Variants in PTPRA observed in about 807,000 individuals in gnomAD.
PTPRA encodes protein tyrosine phosphatase receptor type A.
A neutral mutation model predicts 104.8 loss-of-function variants in PTPRA; 25 were observed. That is an observed-to-expected ratio of 0.24 (90% CI 0.17 to 0.33). PTPRA has a LOEUF of 0.33. Among genes scored for constraint, PTPRA ranks in the 10% least tolerant of loss-of-function variants. The probability of loss-of-function intolerance (pLI) is 1.00; values close to 1 mark genes in which losing one functional copy is unlikely to be tolerated. For synonymous variants in PTPRA, 323 were observed against 368.9 expected, an observed-to-expected ratio of 0.88 and a Z score of 1.43; for missense variants, 765 against 1,015.3, an observed-to-expected ratio of 0.75 and a Z score of 3.35.
At chr20:2,915,527 A>G (rs1300230388) in intron 1 of PTPRA, among the ~76,000 whole-genome samples, 3 of 152,166 alleles carry the variant, frequency 2.0e-5, no homozygotes, top group African/African-American at 7.2e-5. Flanking sequence ...TATCAGATAC[A>G]TGATATCTGA....
intron 1 of PTPRA, among the ~76,000 whole-genome samples, chr20:2,921,997 C>T (rs559605643): frequency 9.2e-5 from 14 of 152,288 alleles, no homozygotes; most frequent in African/African-American, 3.4e-4. Context: ...TGCTTAGCAG[C>T]ATCCTAGGCC....
Position 2,947,262 on chromosome 20 carries a change from A to G in PTPRA, c.-49-720A>G, listed in dbSNP as rs143728608. Among the ~76,000 whole-genome samples, 39 of 152,252 alleles carry G rather than the reference A, an allele frequency of 2.6e-4. 1 individual carries two copies. The East Asian group carries it at 3.1e-3, about 12-fold the overall frequency. On this transcript the variant is annotated intron_variant, in intron 2 of 23. Transcript: ENST00000399903. ...AGAGCTTAAATTTCCTCAAACCCCAACAGTCAGAGATTGTTACACCAAGAT... is the reference window on the plus strand; with the variant it reads ...AGAGCTTAAATTTCCTCAAACCCCAGCAGTCAGAGATTGTTACACCAAGAT...
At chr20:2,865,527 C>T in the PTPRA span, 13 of 1,598,690 alleles carry the variant, frequency 8.1e-6, no homozygotes, top group Admixed American at 3.4e-5. The surrounding 1 kb of genome is among the most constrained non-coding windows in gnomAD (Gnocchi z 5.2). Flanking sequence ...AGCCCACTTC[C>T]AGTGAGGGTA....
At chr20:2,978,513 G>A (rs2062538467) in intron 6 of PTPRA, among the ~76,000 whole-genome samples, 1 of 152,188 alleles carries the variant, frequency 6.6e-6, no homozygotes, top group Non-Finnish European at 1.5e-5. Context: ...GTTGACCAGT[G>A]TGTGTCTGAA....
chr20:2,941,407 A>C (rs994455268), intron 2 of PTPRA, among the ~76,000 whole-genome samples: 1 of 151,900 alleles, frequency 6.6e-6, no homozygotes, highest in Non-Finnish European at 1.5e-5. Context: ...AGCATTCAGC[A>C]CTCCCTGTCA....
At chr20:2,946,989 G>A (rs2061160185) in intron 2 of PTPRA, among the ~76,000 whole-genome samples, 1 of 152,122 alleles carries the variant, frequency 6.6e-6, no homozygotes, top group African/African-American at 2.4e-5. Flanking sequence ...GAGAAAGGAG[G>A]GTGAGAAGAT....
intron 2 of PTPRA, among the ~76,000 whole-genome samples, chr20:2,927,579 C>T (rs1190024328): frequency 6.6e-6 from 1 of 152,194 alleles, no homozygotes. Flanking sequence ...AATCCGAGAC[C>T]AGTGGGCACT....
intron 5 of PTPRA, among the ~76,000 whole-genome samples, chr20:2,971,248 A>G (rs2062174505): frequency 6.6e-6 from 1 of 152,206 alleles, no homozygotes; most frequent in African/African-American, 2.4e-5. Context: ...AACAGAGAAA[A>G]TGGCATCTTA....
At chr20:2,879,031 G>C (rs534553035) in intron 1 of PTPRA, among the ~76,000 whole-genome samples, 61 of 152,328 alleles carry the variant, frequency 4.0e-4, no homozygotes, top group African/African-American at 1.4e-3. Context: ...TGTGCCGGAA[G>C]CTGGGGACAC....
intron 11 of PTPRA, among the ~76,000 whole-genome samples, chr20:3,011,754 C>T (rs1215133199): frequency 1.3e-5 from 2 of 152,094 alleles, no homozygotes; most frequent in Non-Finnish European, 2.9e-5. Context: ...CTCTTTTAAG[C>T]AGAAAGGGGT....
At chr20:3,011,282 A>T (rs1568695561) in intron 11 of PTPRA, among the ~76,000 whole-genome samples, 1 of 152,244 alleles carries the variant, frequency 6.6e-6, no homozygotes, top group Non-Finnish European at 1.5e-5. Flanking sequence ...GGAAGCAGGG[A>T]TTAAAGATTT....
upstream of PTPRA, among the ~76,000 whole-genome samples, chr20:2,871,479 T>A (rs564676059): frequency 2.6e-5 from 4 of 152,244 alleles, no homozygotes; most frequent in African/African-American, 9.6e-5. Context: ...ATAAGTAGCA[T>A]GTCAACCCCT....
intron 1 of PTPRA, among the ~76,000 whole-genome samples, chr20:2,883,159 A>G (rs2090160607): frequency 6.6e-6 from 1 of 151,852 alleles, no homozygotes; most frequent in Non-Finnish European, 1.5e-5. Context: ...TAATTTTGCA[A>G]CCAGTAGGAA....
At chr20:3,028,700 T>C (rs992141304) in intron 20 of PTPRA, among the ~76,000 whole-genome samples, 4 of 152,204 alleles carry the variant, frequency 2.6e-5, no homozygotes, top group Non-Finnish European at 4.4e-5. Flanking sequence ...ATCTAGAGAA[T>C]GGGCCTGGAG....
At position 3,000,225 on chromosome 20, in the gene PTPRA, C is replaced by G. The variant is rs138809198; in HGVS notation, c.739-4831C>G. Among the ~76,000 whole-genome samples the G allele has an allele frequency of 5.8e-3, 879 of 152,132 alleles. 6 individuals carry two copies. Among genetic ancestry groups the G allele is most frequent in the African/African-American group, 0.02 (845 of 41,496 alleles). On this transcript the variant is annotated intron_variant, in intron 9 of 23. Transcript: ENST00000399903. ...ATTGCTTGAACACAGGAGGTGGAGG[C>G]TGCAGTGAGCCAAGATTGCGCCACT...
At chr20:2,931,440 TAGAC>T (rs2307751) in intron 2 of PTPRA, among the ~76,000 whole-genome samples, 26,923 of 152,020 alleles carry the variant, frequency 0.18, 3,416 homozygotes, top group African/African-American at 0.36. Flanking sequence ...TGTAAGGTGA[TAGAC>T]AGTCAGCAGG....
At chr20:3,005,552 A>G (rs887162495) in intron 10 of PTPRA, among the ~76,000 whole-genome samples, 10 of 151,992 alleles carry the variant, frequency 6.6e-5, no homozygotes, top group Non-Finnish European at 1.5e-5. Flanking sequence ...CCGTGTCTCA[A>G]AAAAATAAAG....
chr20:2,957,159 C>T (rs1438970637), intron 3 of PTPRA, among the ~76,000 whole-genome samples: 1 of 152,196 alleles, frequency 6.6e-6, no homozygotes, highest in Non-Finnish European at 1.5e-5. Flanking sequence ...GTGGCGGGCA[C>T]CTGTAGTCCC....
intron 14 of PTPRA, among the ~76,000 whole-genome samples, chr20:3,021,729 C>A (rs2064879648): frequency 6.6e-6 from 1 of 152,232 alleles, no homozygotes; most frequent in Non-Finnish European, 1.5e-5. Context: ...CTTTCTCCTC[C>A]TTTCCTACTC....
Sources: gnomAD v4.1 joint callset for allele counts (sites outside exome capture counted in the v4.1 genomes callset) on GRCh38, gnomAD v4.1.1 for gene constraint, Gnocchi (gnomAD v3.1) non-coding constraint, MANE v1.5 for transcripts, NCBI Gene and HGNC (gene_info 2026-07-23, HGNC 2026-07-21) for gene names.